PARD3B: variants seen among roughly 807,000 people sequenced by gnomAD.
The protein encoded by PARD3B is partitioning defective 3 homolog B.
In PARD3B, 103 loss-of-function variants were observed where a neutral mutation model predicts 130.2. That is an observed-to-expected ratio of 0.79 (90% CI 0.67 to 0.93). The LOEUF is 0.93. PARD3B is among the 40% of genes least tolerant of loss of function. The probability of loss-of-function intolerance (pLI) is 0.00; values close to 1 mark genes in which losing one functional copy is unlikely to be tolerated. For synonymous variants in PARD3B, 583 were observed against 553.2 expected, an observed-to-expected ratio of 1.05 and a Z score of -0.76; for missense variants, 1,609 against 1,499.2, an observed-to-expected ratio of 1.07 and a Z score of -1.21.
At chr2:204,860,339 G>A (rs1204779132) in intron 2 of PARD3B, among the ~76,000 whole-genome samples, 1 of 152,180 alleles carries the variant, frequency 6.6e-6, no homozygotes, top group Non-Finnish European at 1.5e-5. Flanking sequence ...AAAAGGTGTT[G>A]GTTTGCTTGC....
At chr2:205,336,118 T>G (rs887348876) in intron 18 of PARD3B, among the ~76,000 whole-genome samples, 1 of 152,202 alleles carries the variant, frequency 6.6e-6, no homozygotes, top group African/African-American at 2.4e-5. Flanking sequence ...CCTCCCAAAG[T>G]GCTGGGATTA....
chr2:204,652,261 C>G (rs1361108229), intron 1 of PARD3B, among the ~76,000 whole-genome samples: 1 of 152,094 alleles, frequency 6.6e-6, no homozygotes, highest in East Asian at 1.9e-4. Context: ...ACATAAGTTA[C>G]AGTTTCAGGC....
chr2:205,259,534 TG>T (rs1184193498), intron 16 of PARD3B, among the ~76,000 whole-genome samples: 1 of 152,158 alleles, frequency 6.6e-6, no homozygotes, highest in Non-Finnish European at 1.5e-5. Context: ...GTCTAGGTTT[TG>T]GTGTAGATTT....
In PARD3B at chr2:205,325,211, C is replaced by T. The variant is rs1348142947; in HGVS notation, c.2630+23510C>T. Among the ~76,000 whole-genome samples the T allele has an allele frequency of 3.3e-5, 5 of 152,150 alleles. No individual in the cohort carries two copies. Among genetic ancestry groups the T allele is most frequent in the Non-Finnish European group, 4.4e-5 (3 of 68,032 alleles). ...TACCAAAATTTTTGCTGTGGTTTCA[C>T]AGTTTCTTGAAGAGCTTAGATTTCT... On this transcript the variant is annotated intron_variant, in intron 18 of 22. Coordinates refer to ENST00000406610, the MANE Select transcript of PARD3B (RefSeq NM_001302769.2). The surrounding 1 kb of genome is among the most constrained non-coding windows in gnomAD (Gnocchi z 4.1).
intron 1 of PARD3B, among the ~76,000 whole-genome samples, chr2:204,674,281 TTCTC>T (rs755781327): frequency 6.6e-6 from 1 of 152,166 alleles, no homozygotes; most frequent in African/African-American, 2.4e-5. Flanking sequence ...GTCGAGAAAT[TTCTC>T]TCTGAGTAGG....
At chr2:205,191,188 C>T (rs895979406) in intron 14 of PARD3B, among the ~76,000 whole-genome samples, 3 of 151,928 alleles carry the variant, frequency 2.0e-5, no homozygotes, top group East Asian at 3.9e-4. Context: ...GGCCCTCATT[C>T]GAAGACCATA....
In PARD3B at chr2:205,145,032, A is replaced by G. The variant is rs368986535; in HGVS notation, c.1435-13690A>G. On this transcript the variant is annotated intron_variant, in intron 10 of 22. Coordinates refer to ENST00000406610, the MANE Select transcript of PARD3B (RefSeq NM_001302769.2). ...TACTCCCTGAGCCTTAAAGTGAAAT[A>G]CATTCACTGGGTCCTCTAAGGAAAA... Among the ~76,000 whole-genome samples, 5 of 152,310 alleles carry G rather than the reference A, an allele frequency of 3.3e-5. No individual in the cohort carries two copies. The East Asian group carries it at 5.8e-4, about 18-fold the overall frequency.
intron 18 of PARD3B, among the ~76,000 whole-genome samples, chr2:205,315,936 G>T (rs2042549330): frequency 6.6e-6 from 1 of 151,982 alleles, no homozygotes; most frequent in Non-Finnish European, 1.5e-5. Context: ...AGGCCTGCTT[G>T]GTTTTTAGTT....
chr2:205,258,271 G>A lies in PARD3B; in HGVS notation c.2185+12449G>A, dbSNP rs1559596276. 6.6e-6 allele frequency among the ~76,000 whole-genome samples: 1 copy of A among 152,166 alleles called. No homozygotes were observed. Among genetic ancestry groups the A allele is most frequent in the East Asian group, 1.9e-4 (1 of 5,170 alleles). ...ACTTTCCACCCTTTCCCGAGCCACC[G>A]TCACCTGGAGAGCTTCAGTGAGGAA... On this transcript the variant is annotated intron_variant, in intron 16 of 22. Transcript: ENST00000406610. The surrounding 1 kb of genome is among the most constrained non-coding windows in gnomAD (Gnocchi z 4.9).
chr2:205,016,251 C>A (rs1461646221), intron 3 of PARD3B, among the ~76,000 whole-genome samples: 2 of 152,172 alleles, frequency 1.3e-5, no homozygotes, highest in African/African-American at 4.8e-5. Flanking sequence ...GTAATGGCCT[C>A]CTCTAGCACA....
intron 15 of PARD3B, among the ~76,000 whole-genome samples, chr2:205,234,474 C>CA (rs1421077802): frequency 1.7e-4 from 26 of 152,184 alleles, no homozygotes; most frequent in African/African-American, 6.3e-4. Flanking sequence ...TTAATGGAAC[C>CA]AAATCATCAA....
chr2:204,785,068 A>G (rs901930725), intron 2 of PARD3B, among the ~76,000 whole-genome samples: 11 of 152,240 alleles, frequency 7.2e-5, no homozygotes, highest in Non-Finnish European at 1.5e-4. Context: ...CAATAGTAGT[A>G]TAGAGAATAA....
chr2:204,897,831 G>C lies in PARD3B; in HGVS notation c.223-67321G>C, dbSNP rs73984404. On this transcript the variant is annotated intron_variant, in intron 2 of 22. Coordinates refer to ENST00000406610, the MANE Select transcript of PARD3B (RefSeq NM_001302769.2). Reference sequence around the variant, plus strand: ...GAATGTTGTGGTAGTCAATCAAGCAGCAACTGTGAGCAGAGAACAAAAGAC... The same window carrying C: ...GAATGTTGTGGTAGTCAATCAAGCACCAACTGTGAGCAGAGAACAAAAGAC... Among the ~76,000 whole-genome samples, 1,239 of 151,324 alleles carry C rather than the reference G, an allele frequency of 8.2e-3. 10 individuals carry two copies. Among genetic ancestry groups the C allele is most frequent in the African/African-American group, 0.028 (1,142 of 41,158 alleles).
intron 2 of PARD3B, among the ~76,000 whole-genome samples, chr2:204,747,020 G>C (rs1381174552): frequency 6.6e-6 from 1 of 152,094 alleles, no homozygotes; most frequent in Admixed American, 6.5e-5. Flanking sequence ...TGTTGCCATT[G>C]CTTTTGGTGT....
intron 2 of PARD3B, among the ~76,000 whole-genome samples, chr2:204,910,255 G>T (rs1190582279): frequency 6.6e-6 from 1 of 152,124 alleles, no homozygotes; most frequent in Non-Finnish European, 1.5e-5. Context: ...TTAGAATTTT[G>T]ATTCTCTTCC....
intron 3 of PARD3B, among the ~76,000 whole-genome samples, chr2:204,997,599 T>C (rs926623131): frequency 1.3e-5 from 2 of 151,392 alleles, no homozygotes; most frequent in South Asian, 2.1e-4. Flanking sequence ...CTTTAGACTT[T>C]CGTGGACACT....
intron 16 of PARD3B, among the ~76,000 whole-genome samples, chr2:205,277,931 C>G (rs1420370418): frequency 6.6e-6 from 1 of 152,022 alleles, no homozygotes; most frequent in Non-Finnish European, 1.5e-5. Context: ...AGAGTTAAGC[C>G]TTGGAGAAAG....
At chr2:204,790,635 G>A (rs562296411) in intron 2 of PARD3B, among the ~76,000 whole-genome samples, 4 of 152,162 alleles carry the variant, frequency 2.6e-5, no homozygotes, top group African/African-American at 4.8e-5. Context: ...TAGTAGACCC[G>A]TATGGATGAG....
At chr2:204,951,475 T>C (rs1226712640) in intron 2 of PARD3B, among the ~76,000 whole-genome samples, 2 of 152,204 alleles carry the variant, frequency 1.3e-5, no homozygotes, top group African/African-American at 4.8e-5. Flanking sequence ...TGTTATCTCA[T>C]TGAAACACCA....
Sources: allele counts gnomAD v4.1 joint callset (sites outside exome capture counted in the v4.1 genomes callset), GRCh38; gene constraint gnomAD v4.1.1; non-coding constraint Gnocchi (gnomAD v3.1); transcripts MANE v1.5; gene names NCBI Gene and HGNC (gene_info 2026-07-23, HGNC 2026-07-21).